Variants in ZC3H11A observed in about 807,000 individuals in gnomAD.
ZC3H11A encodes the protein zinc finger CCCH domain-containing protein 11A.
ZC3H11A carries 22 observed loss-of-function variants against 90.8 expected under a neutral mutation model. The observed-to-expected ratio is 0.24, with a 90% CI of 0.17 to 0.35. ZC3H11A has a LOEUF of 0.35. Ranked by LOEUF, ZC3H11A falls within the 10% of genes least tolerant of loss-of-function variation. ZC3H11A has a pLI of 1.00. For synonymous variants in ZC3H11A, 294 were observed against 339.8 expected (o/e 0.87, Z 1.48); for missense variants, 701 against 964.9 (o/e 0.73, Z 3.62).
chr1:203,840,154 G>A lies in ZC3H11A; in HGVS notation c.974-152G>A, dbSNP rs890387782. 7.5e-6 allele frequency: 5 copies of A among 668,592 alleles called. No homozygotes were observed. In the African/African-American group the frequency reaches 9.4e-5, roughly 13 times the overall value. The allele number at this position is 668,592 out of a possible 1,614,324, so 41.4% of individuals were successfully genotyped here. The stretch of plus-strand genomic sequence containing the variant: ...GGGTTTCACCATGTTGGCCAGGCTG[G>A]CCTTGAAGTCCTGACCTCAAGTGAT... On this transcript the variant is annotated intron_variant, in intron 11 of 17. Coordinates refer to ENST00000367210, the MANE Select transcript of ZC3H11A (RefSeq NM_001376342.1).
Position 203,802,915 on chromosome 1 carries a change from A to C in ZC3H11A, c.-247A>C, listed in dbSNP as rs1178157150. 6.6e-6 allele frequency: 1 copy of C among 152,476 alleles called. No homozygotes were observed. The highest frequency in any genetic ancestry group is 1.9e-4 in the East Asian group (1 of 5,184). 9.4% of individuals were successfully genotyped at this position (152,476 alleles called of 1,614,324 possible). On this transcript the variant is annotated 5_prime_UTR_variant, in exon 2 of 18. Transcript: ENST00000367210. Reference sequence around the variant, plus strand: ...TGAGGAGGAAATTTTTTTCTGCCTCATTATTATTAATTCATGGATTGAGTG... The same window carrying C: ...TGAGGAGGAAATTTTTTTCTGCCTCCTTATTATTAATTCATGGATTGAGTG...
intron 4 of ZC3H11A, among the ~76,000 whole-genome samples, chr1:203,823,530 A>G (rs1266876220): frequency 6.6e-6 from 1 of 152,232 alleles, no homozygotes; most frequent in Non-Finnish European, 1.5e-5. Context: ...CAGTCTAGGC[A>G]TACTGAGCCT....
intron 4 of ZC3H11A, among the ~76,000 whole-genome samples, chr1:203,825,582 C>T (rs1261738362): frequency 6.6e-6 from 1 of 151,878 alleles, no homozygotes; most frequent in South Asian, 2.1e-4. Context: ...CTACAGGCGC[C>T]CTCCACCATG....
intron 2 of ZC3H11A, among the ~76,000 whole-genome samples, chr1:203,808,979 C>T (rs537553000): frequency 9.2e-5 from 14 of 151,718 alleles, no homozygotes; most frequent in Middle Eastern, 3.4e-3. Flanking sequence ...TACAGGCATT[C>T]GCCACCACGC....
rs573625875 is a variant in ZC3H11A, at chr1:203,833,105, C to CA, written c.812-685dup. On this transcript the variant is annotated intron_variant, in intron 9 of 17. Transcript: ENST00000367210. ...AAAAATTAGGCTGGGTGTGGTGGCT[C>CA]ACGCCTGTAATCCCGGCACTTTGGG... Among the ~76,000 whole-genome samples, 20 of 151,596 alleles carry CA rather than the reference C, an allele frequency of 1.3e-4. No homozygotes were observed. In the South Asian group the frequency reaches 4.0e-3, roughly 30 times the overall value.
Position 203,842,193 on chromosome 1 carries a change from G to A in ZC3H11A, c.1042+1819G>A, listed in dbSNP as rs575907290. 2.9e-3 allele frequency among the ~76,000 whole-genome samples: 440 copies of A among 152,120 alleles called. 5 individuals carry two copies. Among genetic ancestry groups the A allele is most frequent in the South Asian group, 1.2e-3 (6 of 4,814 alleles). On this transcript the variant is annotated intron_variant, in intron 12 of 17. Transcript: ENST00000367210. ...CAGAGACGCTCCTCACTTCCCAGACGGGGTGGCGGCCGGGCAGAGGCTGCA... is the reference window on the plus strand; with the variant it reads ...CAGAGACGCTCCTCACTTCCCAGACAGGGTGGCGGCCGGGCAGAGGCTGCA...
chr1:203,852,684 G>T lies in ZC3H11A; in HGVS notation c.*285G>T. On this transcript the variant is annotated 3_prime_UTR_variant, in exon 18 of 18. Coordinates refer to ENST00000367210, the MANE Select transcript of ZC3H11A (RefSeq NM_001376342.1). ...AAAAAGAGACTGAGAGGGAGATCAA[G>T]TGAAAGGGTGCAAGCGAACTTAGTG... 1 of 432,052 alleles carries T rather than the reference G, an allele frequency of 2.3e-6. No individual in the cohort carries two copies. Among genetic ancestry groups the T allele is most frequent in the Admixed American group, 4.0e-5 (1 of 24,864 alleles). The allele number at this position is 432,052 out of a possible 1,614,324, so 26.8% of individuals were successfully genotyped here.
intron 14 of ZC3H11A, 57 bp downstream of exon 14, chr1:203,848,464 G>A: frequency 7.3e-7 from 1 of 1,362,422 alleles, no homozygotes; most frequent in Non-Finnish European, 1.0e-6. Context: ...TAGATAATTG[G>A]TAGTTTTACC....
chr1:203,797,785 A>G (rs949158887), intron 1 of ZC3H11A: 1 of 1,536,048 alleles, frequency 6.5e-7, no homozygotes, highest in African/African-American at 1.4e-5. Context: ...TTTAGTAAGG[A>G]TTTGGGATCT....
At chr1:203,819,283 G>A (rs541210219) in intron 4 of ZC3H11A, among the ~76,000 whole-genome samples, 1 of 147,920 alleles carries the variant, frequency 6.8e-6, no homozygotes, top group African/African-American at 2.5e-5. Flanking sequence ...GTGCAGTGGC[G>A]CAATCTCTGC....
chr1:203,829,842 C>A lies in ZC3H11A; in HGVS notation c.565C>A (p.His189Asn), dbSNP rs200557789. The A allele has an allele frequency of 7.3e-5, 118 of 1,614,008 alleles. No homozygotes were observed. The highest frequency in any genetic ancestry group is 9.6e-5 in the Non-Finnish European group (113 of 1,180,020). The change falls in exon 7 of 18, where the codon CAC becomes AAC. Residue 189 changes from histidine (H) to asparagine (N), a missense_variant. Coordinates refer to ENST00000367210, the MANE Select transcript of ZC3H11A (RefSeq NM_001376342.1). Reference sequence around the variant, plus strand: ...TACCCTGCAACCAACTCCTGAAGTTCACAATGGATTACGAGTGACTTCTGT... The same window carrying A: ...TACCCTGCAACCAACTCCTGAAGTTAACAATGGATTACGAGTGACTTCTGT... ...TPTLQPTPEV[H>N]NGLRVTSVRK...
At chr1:203,824,274 T>TAAA (rs5780199) in intron 4 of ZC3H11A, among the ~76,000 whole-genome samples, 4 of 139,986 alleles carry the variant, frequency 2.9e-5, no homozygotes, top group Admixed American at 7.2e-5. Context: ...ATCTCAAAAT[T>TAAA]AAAAAAAAAA....
At chr1:203,848,246 C>G in intron 13 of ZC3H11A, 85 bp from the exon 14 acceptor site, 3 of 1,127,854 alleles carry the variant, frequency 2.7e-6, no homozygotes, top group Non-Finnish European at 3.9e-6. Context: ...TTACTACTTT[C>G]ATTAAATAAA....
intron 4 of ZC3H11A, among the ~76,000 whole-genome samples, chr1:203,824,096 C>T (rs1224278912): frequency 4.6e-5 from 7 of 151,886 alleles, no homozygotes; most frequent in East Asian, 1.9e-4. Context: ...AGTGAAACCC[C>T]GTCTCTACTC....
At chr1:203,815,515 G>A (rs765964061) in intron 2 of ZC3H11A, among the ~76,000 whole-genome samples, 1 of 151,490 alleles carries the variant, frequency 6.6e-6, no homozygotes, top group Non-Finnish European at 1.5e-5. Flanking sequence ...CACTGCACCC[G>A]GCCTATTTCA....
At chr1:203,831,846 C>A in intron 9 of ZC3H11A, 75 bp downstream of exon 9, 1 of 1,201,368 alleles carries the variant, frequency 8.3e-7, no homozygotes, top group Non-Finnish European at 1.2e-6. Flanking sequence ...CCTTGGGTAT[C>A]TTTTACCTTT....
At chr1:203,822,241 T>G (rs1449019933) in intron 4 of ZC3H11A, among the ~76,000 whole-genome samples, 1 of 152,126 alleles carries the variant, frequency 6.6e-6, no homozygotes, top group Non-Finnish European at 1.5e-5. Flanking sequence ...AGTCTACTAG[T>G]ATAAAAACCA....
intron 2 of ZC3H11A, among the ~76,000 whole-genome samples, chr1:203,805,150 T>A (rs1254829763): frequency 6.6e-6 from 1 of 151,610 alleles, no homozygotes; most frequent in Non-Finnish European, 1.5e-5. Context: ...GTGATTTTTT[T>A]TTTTTTTTTT....
intron 1 of ZC3H11A, chr1:203,799,699 T>G: frequency 1.4e-6 from 1 of 715,534 alleles, no homozygotes; most frequent in Non-Finnish European, 2.5e-6. Flanking sequence ...CTGCAGAAAC[T>G]CAGAGAAGAT....
Sources: gnomAD v4.1 joint callset for allele counts (sites outside exome capture counted in the v4.1 genomes callset) on GRCh38, gnomAD v4.1.1 for gene constraint, MANE v1.5 for transcripts, NCBI Gene and HGNC (gene_info 2026-07-23, HGNC 2026-07-21) for gene names.